The following RYR3 variants were observed in gnomAD, a reference collection of about 807,000 sequenced individuals.
RYR3 encodes brain ryanodine receptor-calcium release channel.
RYR3 carries 207 observed loss-of-function variants against 584.3 expected under a neutral mutation model. That is an observed-to-expected ratio of 0.35 (90% CI 0.32 to 0.40). The LOEUF (loss-of-function observed/expected upper bound fraction) is 0.40. RYR3 is among the 10% of genes least tolerant of loss of function. The probability of loss-of-function intolerance (pLI) is 1.00; values close to 1 mark genes in which losing one functional copy is unlikely to be tolerated. For synonymous variants in RYR3, 2,416 were observed against 2,248.5 expected (o/e 1.07, Z -2.11); for missense variants, 5,616 against 6,089.2 (o/e 0.92, Z 2.59).
intron 16 of RYR3, among the ~76,000 whole-genome samples, chr15:33,599,283 A>T (rs1258309526): frequency 6.6e-6 from 1 of 152,204 alleles, no homozygotes; most frequent in Non-Finnish European, 1.5e-5. Flanking sequence ...TGAACCCAGA[A>T]AATCTGAGAC....
At chr15:33,350,107 C>T (rs1328694586) in intron 1 of RYR3, among the ~76,000 whole-genome samples, 1 of 152,002 alleles carries the variant, frequency 6.6e-6, no homozygotes. Context: ...TGGGTATATA[C>T]CCAGTGATGG....
At chr15:33,673,933 C>T (rs1450868434) in intron 38 of RYR3, among the ~76,000 whole-genome samples, 1 of 152,134 alleles carries the variant, frequency 6.6e-6, no homozygotes, top group Non-Finnish European at 1.5e-5. Context: ...GGTGAACATC[C>T]CTCTTCTGTC....
chr15:33,664,211 C>CT (rs2063335895), intron 36 of RYR3, among the ~76,000 whole-genome samples: 1 of 152,176 alleles, frequency 6.6e-6, no homozygotes, highest in Non-Finnish European at 1.5e-5. Context: ...GCACGACTCT[C>CT]TCACAAAGCC....
rs1888051929 is a variant in RYR3 at position 33,861,138 on chromosome 15, G to A, written c.14425G>A (p.Glu4809Lys). The change falls in exon 102 of 104, where the codon GAA (glutamate) becomes AAA (lysine). Residue 4809 changes from glutamate to lysine, a missense_variant. Glu to Lys is a moderately conservative substitution (Grantham distance 56). Around this residue, in one of 9 missense-constraint regions of RYR3, gnomAD observed 918 missense variants for 887.4 expected, o/e 1.03. Coordinates refer to ENST00000634891, the MANE Select transcript of RYR3 (RefSeq NM_001036.6). Reference sequence around the variant, plus strand: ...CTTTGACACAACCCCTCATGGTTTTGAAACACATACATTACAAGAGCACAA... The same window carrying A: ...CTTTGACACAACCCCTCATGGTTTTAAAACACATACATTACAAGAGCACAA... The part of the protein sequence containing the change: ...DYFDTTPHGF[E>K]THTLQEHNLA... The A allele has an allele frequency of 6.3e-7, 1 of 1,597,224 alleles. No homozygotes were observed. Among genetic ancestry groups the A allele is most frequent in the African/African-American group, 1.3e-5 (1 of 74,752 alleles).
intron 31 of RYR3, among the ~76,000 whole-genome samples, chr15:33,650,292 G>A (rs894974575): frequency 3.3e-5 from 5 of 152,098 alleles, no homozygotes; most frequent in Non-Finnish European, 5.9e-5. Flanking sequence ...CAGGAGAATC[G>A]CTTGAACCCA....
intron 8 of RYR3, among the ~76,000 whole-genome samples, chr15:33,546,923 C>T (rs1175103983): frequency 1.3e-5 from 2 of 152,186 alleles, no homozygotes; most frequent in African/African-American, 4.8e-5. Context: ...TACAAATTCT[C>T]TACGGTGGAG....
At chr15:33,645,513 C>G (rs1483828306) in intron 28 of RYR3, among the ~76,000 whole-genome samples, 1 of 152,148 alleles carries the variant, frequency 6.6e-6, no homozygotes, top group African/African-American at 2.4e-5. Context: ...CTCTCTGATT[C>G]CTCCCTAACC....
At chr15:33,752,672 GCAAA>G (rs2071429780) in intron 57 of RYR3, among the ~76,000 whole-genome samples, 1 of 152,152 alleles carries the variant, frequency 6.6e-6, no homozygotes, top group African/African-American at 2.4e-5. Flanking sequence ...CATGTCATCT[GCAAA>G]CAGAGACAAT....
At chr15:33,604,034 C>T (rs1223423546) in intron 18 of RYR3, among the ~76,000 whole-genome samples, 3 of 152,178 alleles carry the variant, frequency 2.0e-5, no homozygotes, top group South Asian at 2.1e-4. Context: ...GGGTGAAAAA[C>T]GCGAGATTAA....
intron 43 of RYR3, among the ~76,000 whole-genome samples, chr15:33,712,367 G>A (rs1389682461): frequency 1.3e-5 from 2 of 152,186 alleles, no homozygotes; most frequent in Non-Finnish European, 2.9e-5. Context: ...GCCTAGGTAT[G>A]TTGAGAGAAA....
At chr15:33,400,149 G>C (rs898763012) in intron 1 of RYR3, among the ~76,000 whole-genome samples, 1 of 151,948 alleles carries the variant, frequency 6.6e-6, no homozygotes, top group African/African-American at 2.4e-5. Flanking sequence ...TTTGTGTCTG[G>C]CTTCTTTCAC....
chr15:33,818,648 T>C lies in RYR3; in HGVS notation c.10670T>C (p.Ile3557Thr). 6.2e-7 allele frequency: 1 copy of C among 1,613,924 alleles called. No individual in the cohort carries two copies. Among genetic ancestry groups the C allele is most frequent in the Non-Finnish European group, 8.5e-7 (1 of 1,179,850 alleles). Reference protein sequence around the residue: ...EKQPDPLHQIILYFSRNALTE... With the variant: ...EKQPDPLHQITLYFSRNALTE... ...CAACCTGACCCACTACATCAGATCATTCTCTATTTTAGCCGCAACGCTCTC... is the reference window on the plus strand; with the variant it reads ...CAACCTGACCCACTACATCAGATCACTCTCTATTTTAGCCGCAACGCTCTC... Residue 3557 changes from isoleucine (I) to threonine (T), a missense_variant, in exon 76 of 104, where the codon ATT becomes ACT. Ile to Thr is a moderately conservative substitution (Grantham distance 89). Transcript: ENST00000634891.
At chr15:33,842,137 T>C (rs549861535) in intron 91 of RYR3, 102 bp downstream of exon 91, 44 of 1,231,876 alleles carry the variant, frequency 3.6e-5, no homozygotes, top group African/African-American at 7.6e-5. Flanking sequence ...CAGTTACACT[T>C]CCTCCCCTTT....
chr15:33,847,728 G>A (rs879787695), intron 93 of RYR3: 1 of 152,376 alleles, frequency 6.6e-6, no homozygotes, highest in Non-Finnish European at 1.5e-5. Flanking sequence ...CCACTACCTG[G>A]AAGGAGCTCT....
At position 33,533,440 on chromosome 15, in the gene RYR3, G is replaced by A. The variant is rs960234170; in HGVS notation, c.433+51G>A. 1.3e-4 allele frequency: 169 copies of A among 1,350,630 alleles called. 1 individual carries two copies. The highest frequency in any genetic ancestry group is 2.1e-4 in the Admixed American group (11 of 52,468). The allele number at this position is 1,350,630 out of a possible 1,614,324, so 83.7% of individuals were successfully genotyped here. On this transcript the variant is annotated intron_variant, in intron 5 of 103. Coordinates refer to ENST00000634891, the MANE Select transcript of RYR3 (RefSeq NM_001036.6). ...GAGCTCAGCGGGGGTCTTGGGCTAA[G>A]GGGCTTTTGAGAAGGACCCTGAATG...
At chr15:33,802,201 C>T (rs1478826115) in intron 69 of RYR3, 1 of 627,724 alleles carries the variant, frequency 1.6e-6, no homozygotes, top group Non-Finnish European at 3.0e-6. Context: ...AGTTTCAAGA[C>T]TTGCCTAAGG....
At chr15:33,711,054 C>T (rs2067074170) in intron 43 of RYR3, among the ~76,000 whole-genome samples, 1 of 152,214 alleles carries the variant, frequency 6.6e-6, no homozygotes, top group African/African-American at 2.4e-5. Context: ...AGTTGCTCTA[C>T]ATCCTACTTG....
At position 33,660,267 on chromosome 15, in the gene RYR3, G is replaced by C. The variant is rs370542262; in HGVS notation, c.4466G>C (p.Arg1489Pro). The change falls in exon 34 of 104, where the codon CGG (arginine) becomes CCG (proline). Residue 1489 changes from arginine (R) to proline (P), a missense_variant. Around this residue, in one of 9 missense-constraint regions of RYR3, gnomAD observed 753 missense variants for 741.0 expected, o/e 1.02. Transcript: ENST00000634891. ...EKNPVPQCPP[R>P]LDVQTIQPVL... ...AACCCAGTCCCACAGTGTCCACCTCGGCTGGACGTCCAAACCATCCAGCCC... is the reference window on the plus strand; with the variant it reads ...AACCCAGTCCCACAGTGTCCACCTCCGCTGGACGTCCAAACCATCCAGCCC... 6.4e-7 allele frequency: 1 copy of C among 1,556,448 alleles called. No individual in the cohort carries two copies. The highest frequency in any genetic ancestry group is 1.2e-5 in the South Asian group (1 of 84,230).
At chr15:33,633,777 C>G (rs1187320276) in intron 24 of RYR3, among the ~76,000 whole-genome samples, 1 of 152,172 alleles carries the variant, frequency 6.6e-6, no homozygotes, top group Non-Finnish European at 1.5e-5. Context: ...TCTTCTTAGT[C>G]CCTCCTAAGG....
Sources: gnomAD v4.1 joint callset for allele counts (sites outside exome capture counted in the v4.1 genomes callset) on GRCh38, gnomAD v4.1.1 for gene constraint, gnomAD v4.1.1 regional missense constraint, MANE v1.5 for transcripts, NCBI Gene and HGNC (gene_info 2026-07-23, HGNC 2026-07-21) for gene names.